CCDC122: variants seen among roughly 807,000 people sequenced by gnomAD.
The protein encoded by CCDC122 is coiled-coil domain-containing protein 122.
In CCDC122, 38 loss-of-function variants were observed where a neutral mutation model predicts 37.0. The ratio of observed to expected loss-of-function variants is 1.03; its 90% CI spans 0.79 to 1.35. The LOEUF (loss-of-function observed/expected upper bound fraction) is 1.35. Among genes scored for constraint, CCDC122 ranks in the 40% most tolerant of loss-of-function variants. The pLI is 0.00. For synonymous variants in CCDC122, 83 were observed against 95.6 expected (o/e 0.87, Z 0.77); for missense variants, 305 against 310.0 (o/e 0.98, Z 0.12).
intron 6 of CCDC122, among the ~76,000 whole-genome samples, chr13:43,839,373 A>G (rs767989354): frequency 2.6e-5 from 4 of 152,144 alleles, no homozygotes; most frequent in African/African-American, 7.2e-5. Context: ...GGCTTCTTTC[A>G]CTTAGCATAA....
chr13:43,848,763 A>G (rs1488368444), intron 6 of CCDC122: 1 of 706,582 alleles, frequency 1.4e-6, no homozygotes, highest in East Asian at 1.3e-4. Context: ...AGCAAGATTA[A>G]TATGAGAACC....
At chr13:43,878,075 A>C (rs1954701957) in intron 1 of CCDC122, 1 of 151,496 alleles carries the variant, frequency 6.6e-6, no homozygotes, top group South Asian at 2.1e-4. Context: ...TGACAACTTC[A>C]TTCTTTTGAA....
chr13:43,842,139 A>C (rs1953376337), intron 6 of CCDC122, among the ~76,000 whole-genome samples: 1 of 152,222 alleles, frequency 6.6e-6, no homozygotes, highest in East Asian at 1.9e-4. Context: ...CATAATGAAG[A>C]TATCCTCCTA....
At chr13:43,826,428 T>G (rs1953041828) in intron 3 of CCDC122, among the ~76,000 whole-genome samples, 1 of 152,202 alleles carries the variant, frequency 6.6e-6, no homozygotes, top group African/African-American at 2.4e-5. Context: ...AGCTACCCAG[T>G]GCTTTTCCAT....
intron 3 of CCDC122, among the ~76,000 whole-genome samples, chr13:43,829,700 A>G (rs1309432175): frequency 6.6e-6 from 1 of 152,188 alleles, no homozygotes; most frequent in Non-Finnish European, 1.5e-5. Flanking sequence ...GCTCCTGTCC[A>G]TGTCCCTGTC....
chr13:43,857,135 G>A (rs898337216), intron 6 of CCDC122, among the ~76,000 whole-genome samples: 2 of 152,160 alleles, frequency 1.3e-5, no homozygotes, highest in Non-Finnish European at 2.9e-5. Context: ...TTGCTAATGA[G>A]GATGGTCATA....
intron 6 of CCDC122, among the ~76,000 whole-genome samples, chr13:43,857,347 T>C (rs541430759): frequency 2.0e-5 from 3 of 152,280 alleles, no homozygotes; most frequent in South Asian, 2.1e-4. Context: ...AAACTAAAGA[T>C]ATTTAACCAC....
chr13:43,843,815 T>A (rs1307064095), intron 6 of CCDC122, among the ~76,000 whole-genome samples: 2 of 80,026 alleles, frequency 2.5e-5, no homozygotes, highest in African/African-American at 7.6e-5. Flanking sequence ...TTTCTTCTTG[T>A]GTTATAGTAT....
chr13:43,864,731 A>G (rs1954219787), intron 4 of CCDC122, among the ~76,000 whole-genome samples: 1 of 152,112 alleles, frequency 6.6e-6, no homozygotes, highest in African/African-American at 2.4e-5. Flanking sequence ...TGGAGGGGAC[A>G]AACATCCAAA....
At chr13:43,833,214 T>C (rs555542510), downstream of CCDC122, among the ~76,000 whole-genome samples, 1 of 152,288 alleles carries the variant, frequency 6.6e-6, no homozygotes, top group East Asian at 1.9e-4. Flanking sequence ...AAGTAATATT[T>C]TGAGATATTA....
At chr13:43,877,688 A>C (rs1954669538) in intron 1 of CCDC122, 1 of 152,252 alleles carries the variant, frequency 6.6e-6, no homozygotes, top group African/African-American at 2.4e-5. Flanking sequence ...GAGGAACTGC[A>C]AATGTAAAGA....
intron 1 of CCDC122, among the ~76,000 whole-genome samples, chr13:43,877,486 T>C (rs1203417124): frequency 6.6e-6 from 1 of 152,254 alleles, no homozygotes; most frequent in Non-Finnish European, 1.5e-5. Flanking sequence ...TAACCATTTT[T>C]TCCACTTATT....
rs1157773264 is a variant in CCDC122, at chr13:43,863,942, CTA to C, written c.157-3874_157-3873del. Among the ~76,000 whole-genome samples, 5 of 152,096 alleles carry C rather than the reference CTA, an allele frequency of 3.3e-5. No individual in the cohort carries two copies. In the East Asian group the frequency reaches 9.6e-4, roughly 29 times the overall value. ...CCAAGCCCAACATCAATAAGTTTTT[CTA>C]TGTTTTCTTCCAGATATTTTTTGTT... On this transcript the variant is annotated intron_variant, in intron 4 of 6. Coordinates refer to ENST00000444614, the MANE Select transcript of CCDC122 (RefSeq NM_144974.5).
At chr13:43,855,847 C>A (rs1365644273) in intron 6 of CCDC122, 1 of 152,096 alleles carries the variant, frequency 6.6e-6, no homozygotes, top group African/African-American at 2.4e-5. Flanking sequence ...CCCAGCAATC[C>A]CATTACTGAT....
At chr13:43,854,125 A>G (rs934374437) in intron 6 of CCDC122, 8 of 149,146 alleles carry the variant, frequency 5.4e-5, no homozygotes, top group Admixed American at 2.0e-4. Context: ...AGAAGACAAT[A>G]ACCAAAATCA....
rs556106647 is a variant in CCDC122 at position 43,875,421 on chromosome 13, T to C, written c.-199-494A>G. Among the ~76,000 whole-genome samples, 6 of 152,334 alleles carry C rather than the reference T, an allele frequency of 3.9e-5. No individual in the cohort carries two copies. The East Asian group carries it at 1.2e-3, about 29-fold the overall frequency. ...TGACCTTATTTTGAAAAAGGAGTTT[T>C]GCAGATTTAACTGGGTTAAAGATCT... On this transcript the variant is annotated intron_variant, in intron 1 of 6. Coordinates refer to ENST00000444614, the MANE Select transcript of CCDC122 (RefSeq NM_144974.5).
At chr13:43,859,130 T>C (rs1028675979) in intron 5 of CCDC122, among the ~76,000 whole-genome samples, 3 of 152,144 alleles carry the variant, frequency 2.0e-5, no homozygotes, top group Non-Finnish European at 4.4e-5. Context: ...AAAAGGAAAG[T>C]GGTAGTTATG....
intron 4 of CCDC122, among the ~76,000 whole-genome samples, chr13:43,864,694 C>T (rs1954218447): frequency 6.6e-6 from 1 of 152,172 alleles, no homozygotes; most frequent in Admixed American, 6.5e-5. Context: ...ATCTCCAACA[C>T]TAGGGATTAA....
chr13:43,851,931 A>G (rs1471368291), intron 6 of CCDC122, among the ~76,000 whole-genome samples: 2 of 150,386 alleles, frequency 1.3e-5, no homozygotes, highest in African/African-American at 4.9e-5. Context: ...CAAACCCTCA[A>G]GATCATCAAA....
Sources: allele counts gnomAD v4.1 joint callset (sites outside exome capture counted in the v4.1 genomes callset), GRCh38; gene constraint gnomAD v4.1.1; transcripts MANE v1.5; gene names NCBI Gene and HGNC (gene_info 2026-07-23, HGNC 2026-07-21).